Variants in PLOD1 observed in about 807,000 individuals in gnomAD.
PLOD1 encodes the protein procollagen-lysine,2-oxoglutarate 5-dioxygenase 1, also known as lysine hydroxylase.
In PLOD1, 70 loss-of-function variants were observed where a neutral mutation model predicts 94.7. The ratio of observed to expected loss-of-function variants is 0.74; its 90% CI spans 0.61 to 0.90. The LOEUF (loss-of-function observed/expected upper bound fraction) is 0.90, where lower values mean the gene tolerates loss of function less well. Ranked by LOEUF, PLOD1 falls within the 40% of genes least tolerant of loss-of-function variation. The probability of loss-of-function intolerance (pLI) is 0.00; values close to 1 mark genes in which losing one functional copy is unlikely to be tolerated. For synonymous variants in PLOD1, 417 were observed against 400.2 expected (o/e 1.04, Z -0.50); for missense variants, 905 against 972.7 (o/e 0.93, Z 0.93).
intron 10 of PLOD1, among the ~76,000 whole-genome samples, chr1:11,962,791 A>T (rs1000651728): frequency 3.3e-5 from 5 of 152,064 alleles, no homozygotes; most frequent in African/African-American, 1.2e-4. Flanking sequence ...CTGTAATCCC[A>T]GCACTTTGGG....
Position 11,974,778 on chromosome 1 carries a change from C to G in PLOD1, c.2154C>G (p.Arg718=). The part of the protein sequence containing the change: ...HEGLPTTRGT[R]YIAVSFVDP ...GGCTCCCCACCACCAGGGGCACCCG[C>G]TACATCGCAGTCTCCTTCGTCGATC... The change falls in exon 19 of 19, where the codon CGC becomes CGG. Residue 718 remains arginine (R), a synonymous_variant. Coordinates refer to ENST00000196061, the MANE Select transcript of PLOD1 (RefSeq NM_000302.4). 1 of 1,614,142 alleles carries G rather than the reference C, an allele frequency of 6.2e-7. No homozygotes were observed. The highest frequency in any genetic ancestry group is 8.5e-7 in the Non-Finnish European group (1 of 1,180,000).
rs886039113 is a variant in PLOD1 at position 11,934,809 on chromosome 1, G to A, written c.30G>A (p.Leu10=). Residue 10 remains leucine (L), a synonymous_variant, in exon 1 of 19, where the codon CTG becomes CTA. Coordinates refer to ENST00000196061, the MANE Select transcript of PLOD1 (RefSeq NM_000302.4). ...GGCCCCTGCTGCTACTGGCCCTGCT[G>A]GGCTGGCTGCTGCTGGCCGAAGCGA... MRPLLLLAL[L]GWLLLAEAKG... 5.8e-6 allele frequency: 9 copies of A among 1,541,028 alleles called. No individual in the cohort carries two copies. The highest frequency in any genetic ancestry group is 1.8e-4 in the Middle Eastern group (1 of 5,622).
At chr1:11,946,025 C>A (rs1436266849) in intron 1 of PLOD1, among the ~76,000 whole-genome samples, 1 of 152,144 alleles carries the variant, frequency 6.6e-6, no homozygotes, top group African/African-American at 2.4e-5. Context: ...AATACCTCTT[C>A]ATGTGTGCCG....
In PLOD1 at chr1:11,934,733, C is replaced by A. The variant is rs1467155164; in HGVS notation, c.-47C>A. On this transcript the variant is annotated 5_prime_UTR_variant, in exon 1 of 19. Transcript: ENST00000196061. ...TGCGGCCCCGTCGCGAAGTTTCCAG[C>A]CCTGCGAGCGCCGCCGGGTCGGCCG... The A allele has an allele frequency of 6.6e-7, 1 of 1,517,562 alleles. No individual in the cohort carries two copies. Among genetic ancestry groups the A allele is most frequent in the Non-Finnish European group, 8.8e-7 (1 of 1,139,774 alleles). The allele number at this position is 1,517,562 out of a possible 1,614,324, so 94.0% of individuals were successfully genotyped here.
At chr1:11,945,816 C>A (rs573311370) in intron 1 of PLOD1, among the ~76,000 whole-genome samples, 1 of 152,284 alleles carries the variant, frequency 6.6e-6, no homozygotes, top group African/African-American at 2.4e-5. Flanking sequence ...TCAAGCAATT[C>A]TCCTGTCTCA....
intron 1 of PLOD1, among the ~76,000 whole-genome samples, chr1:11,936,775 G>T (rs576393989): frequency 3.1e-4 from 47 of 151,690 alleles, no homozygotes; most frequent in African/African-American, 8.5e-4. Flanking sequence ...CTCCTGCCTC[G>T]GCCTCCCAAA....
intron 1 of PLOD1, among the ~76,000 whole-genome samples, chr1:11,939,374 G>GGC (rs1463441473): frequency 4.6e-5 from 7 of 152,106 alleles, no homozygotes; most frequent in Admixed American, 4.6e-4. Flanking sequence ...GAGGGGAGAG[G>GGC]GCGGAAGGGC....
rs1385108825 is a variant in PLOD1 at position 11,934,882 on chromosome 1, AGC to A, written c.76+31_76+32del. Reference sequence around the variant, plus strand: ...TGAGGGAGCGAAGGCCGGGGGCGGGAGCGCGGATCCGGGCGGGAGGGCTGGTG... The same window carrying A: ...TGAGGGAGCGAAGGCCGGGGGCGGGAGCGGATCCGGGCGGGAGGGCTGGTG... On this transcript the variant is annotated intron_variant, in intron 1 of 18. Transcript: ENST00000196061. The A allele has an allele frequency of 4.6e-6, 7 of 1,531,106 alleles. No homozygotes were observed. In the Admixed American group the frequency reaches 1.4e-4, roughly 30 times the overall value. The allele number at this position is 1,531,106 out of a possible 1,614,324, so 94.8% of individuals were successfully genotyped here.
At chr1:11,944,387 GT>G (rs1645634903) in intron 1 of PLOD1, 1 of 417,980 alleles carries the variant, frequency 2.4e-6, no homozygotes, top group Non-Finnish European at 4.3e-6. Context: ...TCAAGAGCCT[GT>G]TCCATCAAGA....
At chr1:11,944,638 C>T in intron 1 of PLOD1, 1 of 1,361,310 alleles carries the variant, frequency 7.3e-7, no homozygotes, top group South Asian at 1.1e-5. Flanking sequence ...GAGCAGCATC[C>T]CTCGTTTCTG....
chr1:11,944,621 C>A, intron 1 of PLOD1: 1 of 1,364,716 alleles, frequency 7.3e-7, no homozygotes, highest in South Asian at 1.1e-5. Context: ...AGCCCTTCCC[C>A]AAGTGTGAGC....
Position 11,965,419 on chromosome 1 carries a change from G to A in PLOD1, c.1471-61G>A, listed in dbSNP as rs529341916. The A allele has an allele frequency of 5.3e-4, 504 of 958,344 alleles. 1 individual carries two copies. Among genetic ancestry groups the A allele is most frequent in the Non-Finnish European group, 7.5e-4 (440 of 590,106 alleles). 59.4% of individuals were successfully genotyped at this position (958,344 alleles called of 1,614,324 possible). On this transcript the variant is annotated intron_variant, in intron 13 of 18. Coordinates refer to ENST00000196061, the MANE Select transcript of PLOD1 (RefSeq NM_000302.4). ...GTTGCCCGTCTGGGAGCGTGCAGGG[G>A]AGGGGTGAGGGCAGGGGAGGGGTGG... is the stretch of plus-strand genomic sequence containing the variant.
intron 1 of PLOD1, among the ~76,000 whole-genome samples, chr1:11,940,042 G>C (rs1367877274): frequency 6.6e-6 from 1 of 152,172 alleles, no homozygotes; most frequent in Non-Finnish European, 1.5e-5. Flanking sequence ...GGGATTACAG[G>C]TGTGAGCCAC....
In PLOD1 at chr1:11,964,270, A is replaced by T; in HGVS notation, c.1298A>T (p.Asp433Val). The change falls in exon 12 of 19, where the codon GAC becomes GTC. Residue 433 changes from aspartate (D) to valine (V), a missense_variant. Physicochemically the swap from Asp to Val is radical, Grantham distance 152 (BLOSUM62 -3). Coordinates refer to ENST00000196061, the MANE Select transcript of PLOD1 (RefSeq NM_000302.4). ...GATGGCTACTATGCCCGTTCCGAGG[A>T]CTACGTGGACATTGTGCAGGGGCGG... Reference protein sequence around the residue: ...SADGYYARSEDYVDIVQGRRV... With the variant: ...SADGYYARSEVYVDIVQGRRV... 6.4e-7 allele frequency: 1 copy of T among 1,569,498 alleles called. No individual in the cohort carries two copies. The highest frequency in any genetic ancestry group is 1.1e-5 in the South Asian group (1 of 90,376).
In PLOD1 at chr1:11,963,747, T is replaced by C; in HGVS notation, c.1202+111T>C. 4 of 723,084 alleles carry C rather than the reference T, an allele frequency of 5.5e-6. No individual in the cohort carries two copies. The highest frequency in any genetic ancestry group is 1.0e-5 in the Non-Finnish European group (4 of 398,308). 44.8% of individuals were successfully genotyped at this position (723,084 alleles called of 1,614,324 possible). A position where few individuals can be genotyped will look rare whatever the true frequency, so the allele number is the denominator to read the frequency against. ...CCTCATCCACCTCCTCTTCCTCCTC[T>C]TTTTCCTTCTCCTGCTCCTCTTTCT... is the stretch of plus-strand genomic sequence containing the variant. On this transcript the variant is annotated intron_variant, in intron 11 of 18. Transcript: ENST00000196061. The surrounding 1 kb of genome is among the most constrained non-coding windows in gnomAD (Gnocchi z 4.3).
chr1:11,948,144 AC>A, intron 2 of PLOD1, 77 bp downstream of exon 2: 2 of 988,188 alleles, frequency 2.0e-6, no homozygotes, highest in Non-Finnish European at 3.3e-6. Flanking sequence ...TTTCCAAACT[AC>A]CACGTCTCTT....
At chr1:11,955,247 A>G (rs567811054) in intron 6 of PLOD1, among the ~76,000 whole-genome samples, 1 of 152,220 alleles carries the variant, frequency 6.6e-6, no homozygotes, top group Admixed American at 6.5e-5. Context: ...AGGGGCAGGA[A>G]CTCAGCTGGT....
At chr1:11,954,474 G>A (rs771224274) in intron 5 of PLOD1, 25 of 519,228 alleles carry the variant, frequency 4.8e-5, no homozygotes, top group African/African-American at 1.3e-4. Context: ...TGACAAGAGC[G>A]AAACTCTTTC....
chr1:11,967,333 C>G (rs1002642204), intron 16 of PLOD1, among the ~76,000 whole-genome samples: 1 of 151,934 alleles, frequency 6.6e-6, no homozygotes, highest in African/African-American at 2.4e-5. Flanking sequence ...CCGTAAGCTA[C>G]TAGGTTTTCA....
Sources: gnomAD v4.1 joint callset for allele counts (sites outside exome capture counted in the v4.1 genomes callset) on GRCh38, gnomAD v4.1.1 for gene constraint, Gnocchi (gnomAD v3.1) non-coding constraint, MANE v1.5 for transcripts, NCBI Gene and HGNC (gene_info 2026-07-23, HGNC 2026-07-21) for gene names.